Variants in MEGF11 observed in about 807,000 individuals in gnomAD.
MEGF11 encodes multiple EGF like domains 11.
MEGF11 carries 126 observed loss-of-function variants against 146.6 expected under a neutral mutation model. The observed-to-expected ratio is 0.86, with a 90% CI of 0.74 to 1.00. MEGF11 has a LOEUF of 1.00. Among genes scored for constraint, MEGF11 ranks in the 50% least tolerant of loss-of-function variants. The pLI is 0.00. For missense variants in MEGF11, 1,509 were observed against 1,521.2 expected (o/e 0.99, Z 0.13); for synonymous variants, 532 against 583.4 (o/e 0.91, Z 1.27).
rs193037168 is a variant in MEGF11, at chr15:66,122,990, A to G, written c.200+909T>C. On this transcript the variant is annotated intron_variant, in intron 3 of 25. Transcript: ENST00000395614. ...AGTAGAGACGGGGTTTCACTGTGTT[A>G]GCCAGGATGATCTCGTTCTCCTGAC... Among the ~76,000 whole-genome samples the G allele has an allele frequency of 2.5e-3, 375 of 152,146 alleles. 2 individuals are homozygous for G. The highest frequency in any genetic ancestry group is 8.5e-3 in the African/African-American group (351 of 41,492).
At chr15:66,066,151 G>C (rs2085115402) in intron 5 of MEGF11, among the ~76,000 whole-genome samples, 1 of 152,188 alleles carries the variant, frequency 6.6e-6, no homozygotes, top group African/African-American at 2.4e-5. Context: ...GAGGAAGCCT[G>C]ACACGTGAAG....
intron 1 of MEGF11, among the ~76,000 whole-genome samples, chr15:66,216,469 G>A (rs1205234311): frequency 6.6e-6 from 1 of 152,170 alleles, no homozygotes; most frequent in Admixed American, 6.5e-5. Context: ...GCAGCACTGT[G>A]CCCAGTACCC....
At chr15:65,935,765 C>T (rs1276886720) in intron 10 of MEGF11, among the ~76,000 whole-genome samples, 1 of 152,196 alleles carries the variant, frequency 6.6e-6, no homozygotes, top group Admixed American at 6.5e-5. Context: ...GTCCCGGCCC[C>T]CTGGCCTCAG....
rs746714570 is a variant in MEGF11 at position 65,980,794 on chromosome 15, C to T, written c.746G>A (p.Cys249Tyr). The change falls in exon 7 of 26, where the codon TGC (cysteine) becomes TAC (tyrosine). Residue 249 changes from cysteine (C) to tyrosine (Y), a missense_variant. Coordinates refer to ENST00000395614, the MANE Select transcript of MEGF11 (RefSeq NM_001385028.1). ...CCCACTTACCGTCCAGCCTGGGGGGCAGGCACACTCGCCAGTGATGTGGTG... is the reference window on the plus strand; with the variant it reads ...CCCACTTACCGTCCAGCCTGGGGGGTAGGCACACTCGCCAGTGATGTGGTG... ...TCHHITGECA[C>Y]PPGWTGAVCA... 1.2e-6 allele frequency: 2 copies of T among 1,605,822 alleles called. No homozygotes were observed. The highest frequency in any genetic ancestry group is 4.5e-5 in the East Asian group (2 of 44,676).
At position 65,922,477 on chromosome 15, in the gene MEGF11, G is replaced by T. The variant is rs2079207837; in HGVS notation, c.1823-5C>A. 3 of 1,561,098 alleles carry T rather than the reference G, an allele frequency of 1.9e-6. No homozygotes were observed. Among genetic ancestry groups the T allele is most frequent in the African/African-American group, 2.7e-5 (2 of 73,744 alleles). On this transcript the variant is annotated splice_polypyrimidine_tract_variant and splice_region_variant and intron_variant, in intron 14 of 25. Transcript: ENST00000395614. ...CATAGAACCCAGGGGGGCAGACTGAGGGTGAAGGGAAGATGGTGGTCAGCA... is the reference window on the plus strand; with the variant it reads ...CATAGAACCCAGGGGGGCAGACTGATGGTGAAGGGAAGATGGTGGTCAGCA...
rs560268547 is a variant in MEGF11 at position 66,163,113 on chromosome 15, G to T, written c.-8-34702C>A. On this transcript the variant is annotated intron_variant, in intron 1 of 25. Coordinates refer to ENST00000395614, the MANE Select transcript of MEGF11 (RefSeq NM_001385028.1). ...GATGCTGAGGCCTGCAACCCCCAAC[G>T]TCTACGGTTACCGCCACACCCATGT... Among the ~76,000 whole-genome samples, 6 of 152,244 alleles carry T rather than the reference G, an allele frequency of 3.9e-5. No homozygotes were observed. In the South Asian group the frequency reaches 1.2e-3, roughly 32 times the overall value.
At chr15:66,044,680 A>AAAT (rs141320097) in intron 5 of MEGF11, among the ~76,000 whole-genome samples, 1 of 390 alleles carries the variant, frequency 2.6e-3, no homozygotes, top group African/African-American at 3.6e-3. Flanking sequence ...GTATCACTAA[A>AAAT]AATAATAATA....
At chr15:65,976,462 T>G (rs1188463235) in intron 7 of MEGF11, among the ~76,000 whole-genome samples, 1 of 152,178 alleles carries the variant, frequency 6.6e-6, no homozygotes. Flanking sequence ...TCATCCAACA[T>G]GACTCATGTC....
intron 1 of MEGF11, among the ~76,000 whole-genome samples, chr15:66,239,968 C>G (rs1040607510): frequency 2.6e-5 from 4 of 152,238 alleles, no homozygotes; most frequent in East Asian, 1.9e-4. Context: ...CTCAGCCTAA[C>G]AGGAGCCATC....
chr15:66,021,518 C>G (rs984985788), intron 5 of MEGF11, among the ~76,000 whole-genome samples: 1 of 152,188 alleles, frequency 6.6e-6, no homozygotes, highest in African/African-American at 2.4e-5. Flanking sequence ...AAGGTGAAGT[C>G]TGAAATAGAG....
chr15:66,057,923 C>T (rs138264234), intron 5 of MEGF11, among the ~76,000 whole-genome samples: 2,367 of 152,140 alleles, frequency 0.016, 25 homozygotes, highest in Non-Finnish European at 0.025. Flanking sequence ...TAATGCCAGG[C>T]CATAAAGATG....
intron 5 of MEGF11, among the ~76,000 whole-genome samples, chr15:66,055,301 C>T (rs2084630714): frequency 6.6e-6 from 1 of 152,132 alleles, no homozygotes; most frequent in Non-Finnish European, 1.5e-5. Context: ...ATTCGTAGGC[C>T]CAGGATAAAG....
intron 1 of MEGF11, among the ~76,000 whole-genome samples, chr15:66,156,350 C>T (rs1349511628): frequency 6.6e-6 from 1 of 152,120 alleles, no homozygotes; most frequent in Admixed American, 6.5e-5. Context: ...CATCAGTCCC[C>T]CTTCTCACCA....
intron 5 of MEGF11, among the ~76,000 whole-genome samples, chr15:65,984,257 G>A (rs929495352): frequency 2.0e-5 from 3 of 151,992 alleles, no homozygotes; most frequent in African/African-American, 7.3e-5. Flanking sequence ...TGGACACCGT[G>A]GCTCATACCT....
intron 1 of MEGF11, among the ~76,000 whole-genome samples, chr15:66,195,534 CAGG>C (rs886796394): frequency 6.6e-6 from 1 of 152,184 alleles, no homozygotes; most frequent in Non-Finnish European, 1.5e-5. Flanking sequence ...GAGAGAGGTT[CAGG>C]AGGAGAGGAA....
intron 3 of MEGF11, among the ~76,000 whole-genome samples, chr15:66,122,823 G>A (rs1390677790): frequency 4.6e-5 from 7 of 152,146 alleles, no homozygotes; most frequent in Non-Finnish European, 1.0e-4. Flanking sequence ...CTGTCGCCCA[G>A]GCTGGAGTGC....
At chr15:66,103,543 TGGA>T (rs1278401666) in intron 4 of MEGF11, among the ~76,000 whole-genome samples, 1 of 151,852 alleles carries the variant, frequency 6.6e-6, no homozygotes, top group Non-Finnish European at 1.5e-5. Context: ...TTGATGACAG[TGGA>T]GGAGGAGGAA....
At chr15:65,977,166 C>CAAAA (rs372969314) in intron 7 of MEGF11, among the ~76,000 whole-genome samples, 1 of 91,306 alleles carries the variant, frequency 1.1e-5, no homozygotes, top group African/African-American at 3.5e-5. Flanking sequence ...GACTCCGTCT[C>CAAAA]AAAAAAAAAA....
At chr15:65,898,206 C>G in intron 25 of MEGF11, 112 bp from the exon 26 acceptor site, 1 of 1,463,744 alleles carries the variant, frequency 6.8e-7, no homozygotes, top group East Asian at 2.5e-5. Context: ...ATTTATAAAT[C>G]TATGGCAAAT....
Sources: allele counts gnomAD v4.1 joint callset (sites outside exome capture counted in the v4.1 genomes callset), GRCh38; gene constraint gnomAD v4.1.1; transcripts MANE v1.5; gene names NCBI Gene and HGNC (gene_info 2026-07-23, HGNC 2026-07-21).